The following C1orf21 variants were observed in gnomAD, a reference collection of about 807,000 sequenced individuals.
The protein encoded by C1orf21 is uncharacterized protein C1orf21.
Under a neutral mutation model 18.7 loss-of-function variants are expected in C1orf21, and 3 were observed. The ratio of observed to expected loss-of-function variants is 0.16; its 90% CI spans 0.07 to 0.42. The LOEUF is 0.42. C1orf21 is among the 10% of genes least tolerant of loss of function. C1orf21 has a pLI of 0.99. For synonymous variants in C1orf21, 41 were observed against 46.4 expected (o/e 0.88, Z 0.47); for missense variants, 104 against 143.6 (o/e 0.72, Z 1.41).
At chr1:184,549,588 A>G (rs1190923982) in intron 3 of C1orf21, among the ~76,000 whole-genome samples, 3 of 151,456 alleles carry the variant, frequency 2.0e-5, no homozygotes, top group South Asian at 2.1e-4. Flanking sequence ...ACTTTTCCCT[A>G]TGATATAACA....
At chr1:184,561,273 C>T (rs1325642045) in intron 3 of C1orf21, among the ~76,000 whole-genome samples, 2 of 152,138 alleles carry the variant, frequency 1.3e-5, no homozygotes, top group South Asian at 2.1e-4. Context: ...GTACAGCTCC[C>T]TCCTCCTCCT....
At chr1:184,484,259 T>C (rs558099868) in intron 2 of C1orf21, among the ~76,000 whole-genome samples, 6 of 152,262 alleles carry the variant, frequency 3.9e-5, no homozygotes, top group Admixed American at 2.0e-4. Context: ...TTCAGTCAAC[T>C]GAGCAAGGCA....
At chr1:184,539,337 T>G (rs1658609768) in intron 3 of C1orf21, among the ~76,000 whole-genome samples, 1 of 152,244 alleles carries the variant, frequency 6.6e-6, no homozygotes, top group South Asian at 2.1e-4. Context: ...ATTCTAGGAA[T>G]AAATCCCACT....
chr1:184,618,598 G>C (rs529954009), intron 5 of C1orf21, among the ~76,000 whole-genome samples: 1 of 151,646 alleles, frequency 6.6e-6, no homozygotes, highest in Non-Finnish European at 1.5e-5. Flanking sequence ...GTTAAGTATT[G>C]GTACTTTTAG....
chr1:184,472,249 A>G (rs1657506857), intron 1 of C1orf21, among the ~76,000 whole-genome samples: 1 of 152,156 alleles, frequency 6.6e-6, no homozygotes, highest in Admixed American at 6.5e-5. Flanking sequence ...AATCAGAAGA[A>G]GAAAGGGGGC....
intron 1 of C1orf21, among the ~76,000 whole-genome samples, chr1:184,427,351 G>T (rs1001228283): frequency 6.6e-6 from 1 of 152,154 alleles, no homozygotes; most frequent in African/African-American, 2.4e-5. Flanking sequence ...ACATGTCTCT[G>T]TTTGTATGAG....
At chr1:184,410,207 T>A (rs966479044) in intron 1 of C1orf21, among the ~76,000 whole-genome samples, 18 of 152,214 alleles carry the variant, frequency 1.2e-4, no homozygotes, top group African/African-American at 4.3e-4. Flanking sequence ...AATGTCCTGA[T>A]AATTATATCT....
chr1:184,462,089 A>G (rs966776879), intron 1 of C1orf21, among the ~76,000 whole-genome samples: 4 of 152,192 alleles, frequency 2.6e-5, no homozygotes, highest in Admixed American at 2.0e-4. Context: ...TACCTTAGAG[A>G]TGAGGATTCA....
intron 5 of C1orf21, among the ~76,000 whole-genome samples, chr1:184,611,749 C>G (rs1003566202): frequency 1.3e-5 from 2 of 152,120 alleles, no homozygotes; most frequent in Non-Finnish European, 2.9e-5. Context: ...CTGTTTGCCA[C>G]TCAGAAAGCA....
At chr1:184,485,518 A>G (rs1416843136) in intron 2 of C1orf21, among the ~76,000 whole-genome samples, 1 of 152,102 alleles carries the variant, frequency 6.6e-6, no homozygotes, top group East Asian at 1.9e-4. Flanking sequence ...TTCTCTTTCA[A>G]GTTTTAGTTT....
intron 1 of C1orf21, among the ~76,000 whole-genome samples, chr1:184,428,882 A>G (rs1308962670): frequency 2.0e-5 from 3 of 152,138 alleles, no homozygotes; most frequent in Non-Finnish European, 4.4e-5. Context: ...ACATCTCTGC[A>G]TTGCTATTAA....
chr1:184,518,885 T>C (rs577114531), intron 3 of C1orf21, among the ~76,000 whole-genome samples: 2 of 152,090 alleles, frequency 1.3e-5, no homozygotes, highest in Non-Finnish European at 2.9e-5. Context: ...TGAGACCAGG[T>C]TTTCATTGGC....
intron 5 of C1orf21, 38 bp from the exon 6 acceptor site, chr1:184,619,480 T>G (rs1319176579): frequency 6.2e-7 from 1 of 1,605,048 alleles, no homozygotes; most frequent in East Asian, 2.2e-5. Flanking sequence ...TGCTTTGAAT[T>G]TCTCATTCAC....
chr1:184,436,116 A>G (rs544561117), intron 1 of C1orf21, among the ~76,000 whole-genome samples: 1 of 152,262 alleles, frequency 6.6e-6, no homozygotes, highest in East Asian at 1.9e-4. Flanking sequence ...TGATGGATGC[A>G]GGAGAAGGGA....
intron 5 of C1orf21, among the ~76,000 whole-genome samples, chr1:184,616,704 GTGTGTA>G (rs1437320404): frequency 7.6e-6 from 1 of 131,568 alleles, no homozygotes; most frequent in Non-Finnish European, 1.6e-5. Flanking sequence ...GTGTGCACAC[GTGTGTA>G]TGTGTGTTGT....
Position 184,623,393 on chromosome 1 carries a change from C to T in C1orf21, c.*3837C>T, listed in dbSNP as rs1320433884. On this transcript the variant is annotated 3_prime_UTR_variant, in exon 6 of 6. Coordinates refer to ENST00000235307, the MANE Select transcript of C1orf21 (RefSeq NM_030806.4). ...TATTAGATTGCACACTATAATTTTA[C>T]ATAAGATCTGCCTTCCACACTTCCC... 7 of 152,310 alleles carry T rather than the reference C, an allele frequency of 4.6e-5. No homozygotes were observed. In the East Asian group the frequency reaches 1.4e-3, roughly 29 times the overall value. The allele number at this position is 152,310 out of a possible 1,614,324, so 9.4% of individuals were successfully genotyped here. A position where few individuals can be genotyped will look rare whatever the true frequency, so the allele number is the denominator to read the frequency against.
At chr1:184,445,890 C>G (rs1050979926) in intron 1 of C1orf21, among the ~76,000 whole-genome samples, 1 of 152,126 alleles carries the variant, frequency 6.6e-6, no homozygotes, top group East Asian at 1.9e-4. Context: ...ATTACATTAA[C>G]ATAATATTAT....
At chr1:184,418,968 C>A (rs1241491277) in intron 1 of C1orf21, among the ~76,000 whole-genome samples, 3 of 152,134 alleles carry the variant, frequency 2.0e-5, no homozygotes, top group Non-Finnish European at 4.4e-5. Flanking sequence ...GTATATGTGT[C>A]TGTGTGTTCT....
At chr1:184,574,794 G>A (rs192054950) in intron 3 of C1orf21, among the ~76,000 whole-genome samples, 20 of 152,288 alleles carry the variant, frequency 1.3e-4, no homozygotes, top group East Asian at 9.7e-4. Context: ...GGGAAGAGCC[G>A]TGAGAGCAGC....
Sources: gnomAD v4.1 joint callset for allele counts (sites outside exome capture counted in the v4.1 genomes callset) on GRCh38, gnomAD v4.1.1 for gene constraint, MANE v1.5 for transcripts, NCBI Gene and HGNC (gene_info 2026-07-23, HGNC 2026-07-21) for gene names.